Variants in CNTNAP2 observed in about 807,000 individuals in gnomAD.
The protein encoded by CNTNAP2 is contactin-associated protein-like 2.
CNTNAP2 carries 98 observed loss-of-function variants against 155.2 expected under a neutral mutation model. The ratio of observed to expected loss-of-function variants is 0.63; its 90% confidence interval spans 0.54 to 0.75. CNTNAP2 has a LOEUF of 0.75. CNTNAP2 is among the 30% of genes least tolerant of loss of function. CNTNAP2 has a pLI of 0.00. For missense variants in CNTNAP2, 1,727 were observed against 1,688.1 expected (o/e 1.02, Z -0.40); for synonymous variants, 651 against 631.2 (o/e 1.03, Z -0.47).
At chr7:147,930,894 T>G (rs1207533669) in intron 14 of CNTNAP2, among the ~76,000 whole-genome samples, 2 of 152,116 alleles carry the variant, frequency 1.3e-5, no homozygotes, top group African/African-American at 4.8e-5. Flanking sequence ...GAAAGAAAAC[T>G]GAAACATTTA....
chr7:146,904,639 T>A (rs1796080985), intron 3 of CNTNAP2, among the ~76,000 whole-genome samples: 1 of 151,922 alleles, frequency 6.6e-6, no homozygotes, highest in African/African-American at 2.4e-5. Flanking sequence ...GCCTGGCTAA[T>A]TTTTTGTATT....
In CNTNAP2 at chr7:148,415,590, G is replaced by A; in HGVS notation, c.3970G>A (p.Glu1324Lys). The change falls in exon 24 of 24, where the codon GAA (glutamate) becomes AAA (lysine). Residue 1324 changes from glutamate to lysine, a missense_variant. Glu to Lys is a moderately conservative substitution (Grantham distance 56). Coordinates refer to ENST00000361727, the MANE Select transcript of CNTNAP2 (RefSeq NM_014141.6). ...CCCCAACTTCACAGAGACCATTGATGAAAGCAAAAAGGAATGGCTCATTTG... is the reference window on the plus strand; with the variant it reads ...CCCCAACTTCACAGAGACCATTGATAAAAGCAAAAAGGAATGGCTCATTTG... ...NDPNFTETID[E>K]SKKEWLI 6.2e-7 allele frequency: 1 copy of A among 1,614,158 alleles called. No homozygotes were observed. The highest frequency in any genetic ancestry group is 1.1e-5 in the South Asian group (1 of 91,084).
chr7:146,622,125 ATG>A (rs1200593362), intron 1 of CNTNAP2, among the ~76,000 whole-genome samples: 4 of 86,510 alleles, frequency 4.6e-5, no homozygotes, highest in African/African-American at 2.6e-4. Context: ...ACTGTTATGT[ATG>A]TGTATATATA....
chr7:147,101,226 G>A (rs1800645904), intron 4 of CNTNAP2, among the ~76,000 whole-genome samples: 2 of 152,308 alleles, frequency 1.3e-5, no homozygotes, highest in South Asian at 4.1e-4. Flanking sequence ...GAAGAACCTG[G>A]CTTTTGATCT....
chr7:147,096,035 G>T (rs1266760539), intron 4 of CNTNAP2, among the ~76,000 whole-genome samples: 1 of 152,002 alleles, frequency 6.6e-6, no homozygotes, highest in Non-Finnish European at 1.5e-5. Flanking sequence ...TCTCTCTATT[G>T]ATTTAGCATT....
chr7:146,242,291 G>A (rs1012385361), intron 1 of CNTNAP2, among the ~76,000 whole-genome samples: 1 of 152,110 alleles, frequency 6.6e-6, no homozygotes, highest in Non-Finnish European at 1.5e-5. Flanking sequence ...TGTAATCCCA[G>A]CACTTTGGGA....
intron 12 of CNTNAP2, among the ~76,000 whole-genome samples, chr7:147,626,100 A>T (rs999813219): frequency 3.9e-5 from 6 of 152,126 alleles, no homozygotes; most frequent in African/African-American, 1.4e-4. Context: ...AAGTAGTCAC[A>T]GTGCAAAGGA....
chr7:147,341,088 GTGTA>G (rs748181948), intron 9 of CNTNAP2, among the ~76,000 whole-genome samples: 9 of 134,940 alleles, frequency 6.7e-5, no homozygotes, highest in South Asian at 2.6e-4. Context: ...GTGTGTGTGT[GTGTA>G]TATATATACA....
chr7:146,793,777 A>T (rs1563233153), intron 2 of CNTNAP2, among the ~76,000 whole-genome samples: 1 of 152,206 alleles, frequency 6.6e-6, no homozygotes, highest in Non-Finnish European at 1.5e-5. Flanking sequence ...GGGTGGGATT[A>T]GACAGCATAA....
intron 3 of CNTNAP2, among the ~76,000 whole-genome samples, chr7:146,857,115 C>CTTTGTATGAAATG (rs1795005465): frequency 6.6e-6 from 1 of 151,944 alleles, no homozygotes; most frequent in Non-Finnish European, 1.5e-5. Flanking sequence ...GAAATGTACA[C>CTTTGTATGAAATG]TATTTGGAAG....
chr7:146,236,971 G>C (rs926381907), intron 1 of CNTNAP2, among the ~76,000 whole-genome samples: 1 of 152,108 alleles, frequency 6.6e-6, no homozygotes, highest in Non-Finnish European at 1.5e-5. Context: ...TAGCATTTGA[G>C]GGGCTTCGTT....
chr7:148,282,897 A>T (rs111264073), intron 21 of CNTNAP2, among the ~76,000 whole-genome samples: 1 of 152,070 alleles, frequency 6.6e-6, no homozygotes, highest in South Asian at 2.1e-4. Flanking sequence ...CACACAACAT[A>T]CTTTTGCATA....
intron 11 of CNTNAP2, among the ~76,000 whole-genome samples, chr7:147,486,887 G>A (rs1369032184): frequency 7.7e-6 from 1 of 129,748 alleles, no homozygotes; most frequent in East Asian, 2.5e-4. Flanking sequence ...ATACGTATGT[G>A]CCTGTGTGTG....
At chr7:146,796,581 C>T (rs535422701) in intron 2 of CNTNAP2, among the ~76,000 whole-genome samples, 1 of 152,158 alleles carries the variant, frequency 6.6e-6, no homozygotes, top group South Asian at 2.1e-4. Flanking sequence ...TTCTGAAACG[C>T]AGTTCTATAA....
intron 3 of CNTNAP2, among the ~76,000 whole-genome samples, chr7:147,018,556 C>G (rs1798766074): frequency 6.6e-6 from 1 of 152,022 alleles, no homozygotes; most frequent in Non-Finnish European, 1.5e-5. Flanking sequence ...ATGCTTTATT[C>G]AGATAAAGTT....
intron 13 of CNTNAP2, among the ~76,000 whole-genome samples, chr7:147,867,914 GT>G (rs1278680173): frequency 4.6e-5 from 7 of 152,008 alleles, no homozygotes; most frequent in African/African-American, 1.7e-4. Flanking sequence ...TAGCTCAGAA[GT>G]TTGTTATTAT....
chr7:148,256,582 C>T (rs1417579183), intron 20 of CNTNAP2, among the ~76,000 whole-genome samples: 12 of 152,036 alleles, frequency 7.9e-5, no homozygotes, highest in African/African-American at 2.4e-4. Context: ...AGTGCCTTAC[C>T]GAGAAGAGGA....
At position 146,302,896 on chromosome 7, in the gene CNTNAP2, A is replaced by G. The variant is rs962456021; in HGVS notation, c.97+185923A>G. ...GTGAAAAAGTTATCCCCATAAAAAT[A>G]TGACCTTTGTAATAAATGTATTATT... On this transcript the variant is annotated intron_variant, in intron 1 of 23. Transcript: ENST00000361727. 2.0e-5 allele frequency among the ~76,000 whole-genome samples: 3 copies of G among 152,228 alleles called. No individual in the cohort carries two copies. The South Asian group carries it at 6.2e-4, about 31-fold the overall frequency.
In CNTNAP2 at chr7:148,297,955, C is replaced by T. The variant is rs183561447; in HGVS notation, c.3475+30829C>T. On this transcript the variant is annotated intron_variant, in intron 21 of 23. Transcript: ENST00000361727. ...AACAGCTCCCCACGCTCAAGAGCTG[C>T]TTTTCTTTCTCATTCTCAATTAAGG... 1.1e-4 allele frequency among the ~76,000 whole-genome samples: 16 copies of T among 152,266 alleles called. No individual in the cohort carries two copies. In the East Asian group the frequency reaches 3.1e-3, roughly 29 times the overall value.
Sources: allele counts gnomAD v4.1 joint callset (sites outside exome capture counted in the v4.1 genomes callset), GRCh38; gene constraint gnomAD v4.1.1; transcripts MANE v1.5; gene names NCBI Gene and HGNC (gene_info 2026-07-23, HGNC 2026-07-21).